The following SND1 variants were observed in gnomAD, a reference collection of about 807,000 sequenced individuals.
The protein encoded by SND1 is staphylococcal nuclease domain-containing protein 1.
In SND1, 38 loss-of-function variants were observed where a neutral mutation model predicts 121.7. The ratio of observed to expected loss-of-function variants is 0.31; its 90% CI spans 0.24 to 0.41. SND1 has a LOEUF of 0.41. Ranked by LOEUF, SND1 falls within the 10% of genes least tolerant of loss-of-function variation. The pLI is 1.00. For synonymous variants in SND1, 401 were observed against 447.4 expected, an observed-to-expected ratio of 0.90 and a Z score of 1.31; for missense variants, 868 against 1,184.6, an observed-to-expected ratio of 0.73 and a Z score of 3.92.
intron 11 of SND1, among the ~76,000 whole-genome samples, chr7:127,825,957 C>T (rs994001129): frequency 2.0e-4 from 30 of 151,994 alleles, no homozygotes; most frequent in Admixed American, 8.5e-4. Flanking sequence ...TTTGGGAAGC[C>T]GAGGCGGTGG....
chr7:127,924,704 C>A (rs1268055297), intron 14 of SND1, among the ~76,000 whole-genome samples: 1 of 152,168 alleles, frequency 6.6e-6, no homozygotes, highest in Non-Finnish European at 1.5e-5. Context: ...CGTCTGCTCT[C>A]CCACCTACCC....
chr7:128,048,144 C>G (rs1202628836), intron 16 of SND1, among the ~76,000 whole-genome samples: 1 of 152,192 alleles, frequency 6.6e-6, no homozygotes, highest in Admixed American at 6.5e-5. Context: ...CCGCACCCGA[C>G]TGTCTTCTTC....
chr7:127,907,303 A>G (rs1188377446), intron 14 of SND1, among the ~76,000 whole-genome samples: 1 of 152,048 alleles, frequency 6.6e-6, no homozygotes, highest in Non-Finnish European at 1.5e-5. Context: ...TTTAAGTGAG[A>G]TGTATGGGTT....
At chr7:127,948,131 A>T (rs543768477) in intron 15 of SND1, among the ~76,000 whole-genome samples, 1 of 152,200 alleles carries the variant, frequency 6.6e-6, no homozygotes, top group Admixed American at 6.5e-5. Flanking sequence ...TTTAGTGAAT[A>T]AGAAATTGGA....
intron 12 of SND1, among the ~76,000 whole-genome samples, chr7:127,851,726 C>T (rs996438395): frequency 6.6e-6 from 1 of 152,138 alleles, no homozygotes; most frequent in Admixed American, 6.5e-5. Context: ...TTTAATCTAG[C>T]CCATTTTATT....
At chr7:127,711,829 T>G (rs1415591946) in intron 9 of SND1, among the ~76,000 whole-genome samples, 1 of 152,156 alleles carries the variant, frequency 6.6e-6, no homozygotes, top group Admixed American at 6.5e-5. Context: ...TGATACTGTT[T>G]TATTTTTTAA....
At chr7:127,704,558 A>T (rs1796157112) in intron 7 of SND1, among the ~76,000 whole-genome samples, 2 of 152,220 alleles carry the variant, frequency 1.3e-5, no homozygotes, top group Non-Finnish European at 2.9e-5. Context: ...TGTCAATTCC[A>T]TTCAGTGCCA....
At chr7:128,031,907 G>A (rs1280229727) in intron 16 of SND1, 1 of 151,148 alleles carries the variant, frequency 6.6e-6, no homozygotes, top group Non-Finnish European at 1.5e-5. Context: ...GCAGCGGCGT[G>A]AGCAGCGGGG....
chr7:127,698,754 C>G, intron 3 of SND1, 121 bp from the exon 4 acceptor site: 1 of 760,310 alleles, frequency 1.3e-6, no homozygotes, highest in African/African-American at 1.7e-5. Context: ...CTGCTGTGTC[C>G]ATTTCTCTGG....
chr7:127,974,806 G>T (rs550468402), intron 15 of SND1, among the ~76,000 whole-genome samples: 1 of 152,122 alleles, frequency 6.6e-6, no homozygotes, highest in Non-Finnish European at 1.5e-5. Context: ...CCGCTCCCCC[G>T]CCCTTTTGCT....
intron 22 of SND1, among the ~76,000 whole-genome samples, chr7:128,090,082 G>A (rs1048619348): frequency 1.3e-5 from 2 of 152,072 alleles, no homozygotes; most frequent in African/African-American, 4.8e-5. Context: ...GTGCCACCCC[G>A]AGCCAGAGCT....
At chr7:128,020,432 A>G (rs1271351821) in intron 16 of SND1, among the ~76,000 whole-genome samples, 1 of 152,194 alleles carries the variant, frequency 6.6e-6, no homozygotes, top group Admixed American at 6.5e-5. Context: ...GAACCCAGAG[A>G]CTACAGGTAA....
At chr7:127,964,105 G>T (rs201991088) in intron 15 of SND1, among the ~76,000 whole-genome samples, 3 of 148,408 alleles carry the variant, frequency 2.0e-5, no homozygotes, top group Non-Finnish European at 4.5e-5. Flanking sequence ...GGGGTTGTTT[G>T]TTTTTTTCTT....
intron 16 of SND1, among the ~76,000 whole-genome samples, chr7:128,001,818 C>T (rs950182991): frequency 3.3e-5 from 5 of 152,194 alleles, no homozygotes; most frequent in African/African-American, 2.4e-5. Flanking sequence ...GTAATCCCAA[C>T]TATTTGGGAG....
intron 18 of SND1, chr7:128,081,887 A>T (rs1793608494): frequency 1.9e-6 from 1 of 538,896 alleles, no homozygotes; most frequent in Admixed American, 1.9e-5. Flanking sequence ...GGCACCAGCC[A>T]GGCATTGCTC....
intron 10 of SND1, among the ~76,000 whole-genome samples, chr7:127,731,440 G>A (rs982750588): frequency 1.3e-5 from 2 of 152,178 alleles, no homozygotes; most frequent in African/African-American, 2.4e-5. Flanking sequence ...CAACGTAGCC[G>A]GCTCAACGTT....
chr7:127,662,299 T>C (rs554200552), intron 1 of SND1, among the ~76,000 whole-genome samples: 21 of 151,736 alleles, frequency 1.4e-4, no homozygotes, highest in African/African-American at 5.1e-4. Context: ...GGCAATTTTC[T>C]TTTTTTAGTA....
At chr7:127,847,737 C>T (rs1799092893) in intron 12 of SND1, among the ~76,000 whole-genome samples, 1 of 152,226 alleles carries the variant, frequency 6.6e-6, no homozygotes, top group Non-Finnish European at 1.5e-5. Flanking sequence ...GCAACGGGCT[C>T]ACTGCCCGAA....
chr7:127,722,744 G>T (rs1294649270), intron 10 of SND1, among the ~76,000 whole-genome samples: 1 of 152,130 alleles, frequency 6.6e-6, no homozygotes. Context: ...TTTTGAATCA[G>T]ATCATACATA....
Sources: allele counts gnomAD v4.1 joint callset (sites outside exome capture counted in the v4.1 genomes callset), GRCh38; gene constraint gnomAD v4.1.1; transcripts MANE v1.5; gene names NCBI Gene and HGNC (gene_info 2026-07-23, HGNC 2026-07-21).